TUSC3: variants seen among roughly 807,000 people sequenced by gnomAD.
TUSC3 encodes the protein tumor suppressor candidate 3, also known as dolichyl-diphosphooligosaccharide--protein glycosyltransferase subunit TUSC3.
A neutral mutation model predicts 44.8 loss-of-function variants in TUSC3; 45 were observed. That is an observed-to-expected ratio of 1.00 (90% CI 0.79 to 1.29). TUSC3 has a LOEUF of 1.29. Ranked by LOEUF, TUSC3 falls within the 50% of genes most tolerant of loss-of-function variation. The pLI is 0.00. For missense variants in TUSC3, 519 were observed against 437.9 expected (o/e 1.19, Z -1.65); for synonymous variants, 212 against 152.9 (o/e 1.39, Z -2.85).
intron 1 of TUSC3, among the ~76,000 whole-genome samples, chr8:15,425,954 T>A (rs556488450): frequency 1.6e-4 from 25 of 152,330 alleles, no homozygotes; most frequent in East Asian, 3.9e-4. Flanking sequence ...AGTTCAAGGC[T>A]GCAGTGAGCC....
At chr8:15,448,131 A>ATATATATATATATATATATATATATT (rs1563253394) in intron 1 of TUSC3, among the ~76,000 whole-genome samples, 1 of 144,072 alleles carries the variant, frequency 6.9e-6, no homozygotes, top group African/African-American at 2.6e-5. Context: ...TTATTTATTT[A>ATATATATATATATATATATATATATT]TTTTTTAGAT....
intron 1 of TUSC3, among the ~76,000 whole-genome samples, chr8:15,551,921 A>G (rs977218653): frequency 3.3e-5 from 5 of 151,694 alleles, no homozygotes; most frequent in African/African-American, 1.2e-4. Context: ...ACAGGGTTCC[A>G]TCATGACACA....
intron 6 of TUSC3, among the ~76,000 whole-genome samples, chr8:15,694,741 C>T (rs1236402858): frequency 1.3e-5 from 2 of 152,170 alleles, no homozygotes; most frequent in African/African-American, 4.8e-5. Flanking sequence ...TGCCCTAACT[C>T]TGGGGGGCTG....
At chr8:15,839,566 G>C in the TUSC3 span, among the ~76,000 whole-genome samples, 1 of 152,132 alleles carries the variant, frequency 6.6e-6, no homozygotes. Flanking sequence ...AGTGGGTGAA[G>C]GATATGAACA....
intron 9 of TUSC3, among the ~76,000 whole-genome samples, chr8:15,754,342 T>C (rs562245383): frequency 5.4e-4 from 82 of 150,866 alleles, no homozygotes; most frequent in African/African-American, 1.9e-3. Flanking sequence ...AATAAATACA[T>C]TGAAGTAGGC....
intron 6 of TUSC3, among the ~76,000 whole-genome samples, chr8:15,723,539 C>A (rs917084935): frequency 2.0e-5 from 3 of 152,100 alleles, no homozygotes; most frequent in Non-Finnish European, 4.4e-5. Flanking sequence ...TCTCTTCTTT[C>A]AGGCAAATCC....
intron 2 of TUSC3, among the ~76,000 whole-genome samples, chr8:15,509,164 C>G (rs887990735): frequency 7.9e-5 from 12 of 152,208 alleles, no homozygotes; most frequent in African/African-American, 2.9e-4. Flanking sequence ...TGCTAAGAAT[C>G]CACATTGTTT....
At chr8:15,774,746 C>T in the TUSC3 span, among the ~76,000 whole-genome samples, 11 of 151,894 alleles carry the variant, frequency 7.2e-5, no homozygotes, top group Non-Finnish European at 1.0e-4. Context: ...TCAGTTACTC[C>T]GAAAATGCAA....
At chr8:15,708,882 G>A (rs1267277987) in intron 6 of TUSC3, among the ~76,000 whole-genome samples, 1 of 151,858 alleles carries the variant, frequency 6.6e-6, no homozygotes, top group Non-Finnish European at 1.5e-5. Context: ...TTTCAGATTA[G>A]GAAAAGATCT....
chr8:15,647,327 C>T (rs572709976), intron 2 of TUSC3, among the ~76,000 whole-genome samples: 1 of 152,198 alleles, frequency 6.6e-6, no homozygotes, highest in South Asian at 2.1e-4. Context: ...TTCTAATCAC[C>T]AGTTCATCAA....
chr8:15,825,281 T>C, the TUSC3 span, among the ~76,000 whole-genome samples: 410 of 152,306 alleles, frequency 2.7e-3, no homozygotes, highest in African/African-American at 9.6e-3. Flanking sequence ...AAAAGAGGTT[T>C]ACTGGACTTA....
chr8:15,510,304 A>G (rs1175071691), intron 2 of TUSC3, among the ~76,000 whole-genome samples: 1 of 152,220 alleles, frequency 6.6e-6, no homozygotes, highest in African/African-American at 2.4e-5. Flanking sequence ...TGGTAAAACC[A>G]GAAGCTGGTT....
At chr8:15,829,941 C>A in the TUSC3 span, among the ~76,000 whole-genome samples, 2 of 152,120 alleles carry the variant, frequency 1.3e-5, no homozygotes, top group African/African-American at 4.8e-5. Flanking sequence ...TTTCTCTGCA[C>A]ACTCAACCAA....
At position 15,627,416 on chromosome 8, in the gene TUSC3, C is replaced by T. The variant is rs184501171; in HGVS notation, c.308+4167C>T. On this transcript the variant is annotated intron_variant, in intron 2 of 10. Coordinates refer to ENST00000503731, the MANE Select transcript of TUSC3 (RefSeq NM_006765.4). ...GCTCCTCTTTGTCTTACTCACCCTC[C>T]GGTTGTTTGTGTGCTTCTTTCTTCC... Among the ~76,000 whole-genome samples the T allele has an allele frequency of 3.3e-3, 502 of 152,328 alleles. 3 individuals carry two copies. Among genetic ancestry groups the T allele is most frequent in the Non-Finnish European group, 3.5e-3 (239 of 68,016 alleles).
chr8:15,482,556 C>T (rs1800676573), intron 1 of TUSC3, among the ~76,000 whole-genome samples: 2 of 152,164 alleles, frequency 1.3e-5, no homozygotes, highest in African/African-American at 4.8e-5. Context: ...ACAATGTACT[C>T]AATCATATAA....
intron 1 of TUSC3, among the ~76,000 whole-genome samples, chr8:15,478,332 AGTATAC>A (rs1394633370): frequency 1.2e-4 from 18 of 152,142 alleles, no homozygotes; most frequent in African/African-American, 4.3e-4. Flanking sequence ...TTTTTACATA[AGTATAC>A]GTGTGCCATG....
At chr8:15,748,329 A>C (rs745828172) in intron 8 of TUSC3, 46 bp from the exon 9 acceptor site, 1 of 1,406,982 alleles carries the variant, frequency 7.1e-7, no homozygotes, top group South Asian at 1.2e-5. Flanking sequence ...TTGGGGTTTC[A>C]TTTGCATATT....
intron 2 of TUSC3, among the ~76,000 whole-genome samples, chr8:15,630,457 A>G (rs1169166321): frequency 1.4e-5 from 2 of 143,362 alleles, no homozygotes; most frequent in African/African-American, 2.4e-5. Context: ...TATACAGTAT[A>G]TATATTATGT....
At position 15,636,052 on chromosome 8, in the gene TUSC3, A is replaced by C. The variant is rs542997354; in HGVS notation, c.308+12803A>C. On this transcript the variant is annotated intron_variant, in intron 2 of 10. Coordinates refer to ENST00000503731, the MANE Select transcript of TUSC3 (RefSeq NM_006765.4). ...TTAGGCCAGTGGCAACAGTCAGTAC[A>C]AATGTGGGAAGATTTGTCAAAGTGG... Among the ~76,000 whole-genome samples the C allele has an allele frequency of 2.6e-4, 40 of 152,326 alleles. No individual in the cohort carries two copies. The South Asian group carries it at 8.1e-3, about 31-fold the overall frequency.
Sources: gnomAD v4.1 joint callset for allele counts (sites outside exome capture counted in the v4.1 genomes callset) on GRCh38, gnomAD v4.1.1 for gene constraint, MANE v1.5 for transcripts, NCBI Gene and HGNC (gene_info 2026-07-23, HGNC 2026-07-21) for gene names.